Variants in GRIN2A observed in about 807,000 individuals in gnomAD.
The protein encoded by GRIN2A is glutamate ionotropic receptor NMDA type subunit 2A.
In GRIN2A, 22 loss-of-function variants were observed where a neutral mutation model predicts 113.4. That is an observed-to-expected ratio of 0.19 (90% CI 0.14 to 0.28). GRIN2A has a LOEUF of 0.28. Among genes scored for constraint, GRIN2A ranks in the 10% least tolerant of loss-of-function variants. The pLI is 1.00. For missense variants in GRIN2A, 1,502 were observed against 1,887.0 expected (o/e 0.80, Z 3.78); for synonymous variants, 827 against 738.4 (o/e 1.12, Z -1.94).
chr16:10,068,139 C>T (rs28375797), intron 2 of GRIN2A, among the ~76,000 whole-genome samples: 14,654 of 152,238 alleles, frequency 0.096, 786 homozygotes, highest in African/African-American at 0.11. Context: ...TTTCCCAAAG[C>T]GTATTTATTT....
intron 8 of GRIN2A, among the ~76,000 whole-genome samples, chr16:9,833,353 C>T (rs1246168173): frequency 2.6e-5 from 4 of 152,158 alleles, no homozygotes; most frequent in Non-Finnish European, 5.9e-5. Context: ...GGAAATATAT[C>T]ACTTCATAGT....
chr16:9,773,388 G>A (rs1388947851), intron 11 of GRIN2A, among the ~76,000 whole-genome samples: 1 of 152,208 alleles, frequency 6.6e-6, no homozygotes, highest in Admixed American at 6.5e-5. Flanking sequence ...TTTCCAAGGA[G>A]TGGCTCTATG....
intron 2 of GRIN2A, chr16:10,112,201 C>A: frequency 1.7e-6 from 1 of 593,142 alleles, no homozygotes; most frequent in Non-Finnish European, 3.1e-6. Flanking sequence ...GTCTTGGACT[C>A]CTCCCAAGGG....
rs557876133 is a variant in GRIN2A, at chr16:9,809,563, T to TC, written c.2169-11100_2169-11099insG. ...TATCTGTATTTTCATTTTTTTTTTT[T>TC]TACAATGAGGATACATTTTTTAATG... On this transcript the variant is annotated intron_variant, in intron 10 of 12. Transcript: ENST00000330684. Among the ~76,000 whole-genome samples the TC allele has an allele frequency of 5.6e-4, 85 of 152,242 alleles. No individual in the cohort carries two copies. In the East Asian group the frequency reaches 0.016, roughly 29 times the overall value.
At chr16:10,082,837 C>T (rs754405951) in intron 2 of GRIN2A, among the ~76,000 whole-genome samples, 16 of 152,176 alleles carry the variant, frequency 1.1e-4, no homozygotes, top group Non-Finnish European at 1.0e-4. Context: ...ATGTCAGTGC[C>T]GAGATGAGAA....
chr16:9,936,800 G>C (rs939271108), intron 3 of GRIN2A, among the ~76,000 whole-genome samples: 4 of 152,186 alleles, frequency 2.6e-5, no homozygotes, highest in Non-Finnish European at 5.9e-5. Flanking sequence ...AAATCAAACA[G>C]AGACCAGGAG....
At chr16:9,911,769 T>G (rs1429840568) in intron 3 of GRIN2A, among the ~76,000 whole-genome samples, 1 of 152,216 alleles carries the variant, frequency 6.6e-6, no homozygotes, top group Non-Finnish European at 1.5e-5. Context: ...TAGAAAATTT[T>G]AAATAATTCT....
rs1567266373 is a variant in GRIN2A, at chr16:10,055,072, AAAAAAAAAAAAAAGAAAAAAG to A, written c.415-116542_415-116522del. Reference sequence around the variant, plus strand: ...CAAAAAAAAAAAAAAAAAAAAAAAAAAAAAAAAAAAAAAGAAAAAAGAAAGAAAGAAAGAAAAAAGAAAAAA... The same window carrying A: ...CAAAAAAAAAAAAAAAAAAAAAAAAAAAAGAAAGAAAGAAAAAAGAAAAAA... On this transcript the variant is annotated intron_variant, in intron 2 of 12. Coordinates refer to ENST00000330684, the MANE Select transcript of GRIN2A (RefSeq NM_001134407.3). Among the ~76,000 whole-genome samples the A allele has an allele frequency of 4.0e-3, 313 of 77,402 alleles. 29 individuals are homozygous for A. Among genetic ancestry groups the A allele is most frequent in the African/African-American group, 0.02 (301 of 15,408 alleles). The allele number at this position is 77,402 out of a possible 152,430, so 50.8% of individuals were successfully genotyped here. A position where few individuals can be genotyped will look rare whatever the true frequency, so the allele number is the denominator to read the frequency against.
intron 2 of GRIN2A, among the ~76,000 whole-genome samples, chr16:9,946,925 T>C (rs1567193539): frequency 6.6e-6 from 1 of 152,192 alleles, no homozygotes; most frequent in East Asian, 1.9e-4. Flanking sequence ...TGAAGACAAA[T>C]TCTCTTGTTG....
At chr16:10,117,489 C>T (rs2048748916) in intron 2 of GRIN2A, among the ~76,000 whole-genome samples, 1 of 150,744 alleles carries the variant, frequency 6.6e-6, no homozygotes, top group Non-Finnish European at 1.5e-5. Flanking sequence ...CCTCTATTTT[C>T]ATGCATTTTG....
At chr16:10,057,650 T>A (rs2047478429) in intron 2 of GRIN2A, among the ~76,000 whole-genome samples, 1 of 151,016 alleles carries the variant, frequency 6.6e-6, no homozygotes, top group African/African-American at 2.4e-5. Flanking sequence ...AAAAAAAAAA[T>A]CACTTCCCAA....
At chr16:9,950,988 T>A (rs1241547624) in intron 2 of GRIN2A, among the ~76,000 whole-genome samples, 8 of 152,198 alleles carry the variant, frequency 5.3e-5, no homozygotes, top group Admixed American at 5.2e-4. Context: ...AATTTAAATT[T>A]TACTGGATTC....
At chr16:10,039,373 A>G (rs908336312) in intron 2 of GRIN2A, among the ~76,000 whole-genome samples, 2 of 152,174 alleles carry the variant, frequency 1.3e-5, no homozygotes, top group African/African-American at 4.8e-5. Context: ...CCTGCTCTCT[A>G]TCCCCAGGGT....
chr16:9,935,127 C>T (rs1214755570), intron 3 of GRIN2A, among the ~76,000 whole-genome samples: 1 of 152,184 alleles, frequency 6.6e-6, no homozygotes, highest in Non-Finnish European at 1.5e-5. Context: ...AATTATCCTT[C>T]TAGAATTCCT....
chr16:9,866,029 C>T (rs751544288), intron 4 of GRIN2A, among the ~76,000 whole-genome samples: 9 of 152,112 alleles, frequency 5.9e-5, no homozygotes, highest in Admixed American at 2.0e-4. Flanking sequence ...GAGTATGGCC[C>T]ACAAAGCCTA....
intron 4 of GRIN2A, among the ~76,000 whole-genome samples, chr16:9,861,470 C>T (rs769778738): frequency 2.6e-5 from 4 of 152,136 alleles, no homozygotes; most frequent in African/African-American, 4.8e-5. Flanking sequence ...ACAAACAAAC[C>T]GATCACAGGT....
chr16:9,834,028 G>T, intron 8 of GRIN2A, 77 bp downstream of exon 8: 4 of 1,440,896 alleles, frequency 2.8e-6, no homozygotes, highest in Non-Finnish European at 2.9e-6. Context: ...AGAGTAATGT[G>T]TTCTAAAACT....
At chr16:10,161,079 TG>T (rs1316648125) in intron 2 of GRIN2A, among the ~76,000 whole-genome samples, 3 of 152,338 alleles carry the variant, frequency 2.0e-5, no homozygotes, top group African/African-American at 7.2e-5. Flanking sequence ...CATCTTGAAT[TG>T]TAGTTCCCAT....
intron 2 of GRIN2A, chr16:10,179,346 T>C (rs939198410): frequency 1.3e-5 from 2 of 153,448 alleles, no homozygotes; most frequent in African/African-American, 4.8e-5. Context: ...TGGAGTTAAT[T>C]CTTTCCACTC....
Sources: gnomAD v4.1 joint callset for allele counts (sites outside exome capture counted in the v4.1 genomes callset) on GRCh38, gnomAD v4.1.1 for gene constraint, MANE v1.5 for transcripts, NCBI Gene and HGNC (gene_info 2026-07-23, HGNC 2026-07-21) for gene names.